Variants in KLHL22 observed in about 807,000 individuals in gnomAD.
KLHL22 encodes kelch like family member 22.
In KLHL22, 18 loss-of-function variants were observed where a neutral mutation model predicts 60.7. That is an observed-to-expected ratio of 0.30 (90% CI 0.20 to 0.44). The LOEUF (loss-of-function observed/expected upper bound fraction) is 0.44. Ranked by LOEUF, KLHL22 falls within the 20% of genes least tolerant of loss-of-function variation. The pLI is 1.00. For synonymous variants in KLHL22, 355 were observed against 354.5 expected (o/e 1.00, Z -0.01); for missense variants, 596 against 852.3 (o/e 0.70, Z 3.74).
chr22:20,456,260 A>T (rs2053060824), intron 5 of KLHL22: 1 of 152,178 alleles, frequency 6.6e-6, no homozygotes, highest in Non-Finnish European at 1.5e-5. Flanking sequence ...TCTGGTTAAG[A>T]GTGGTTTCTC....
intron 1 of KLHL22, among the ~76,000 whole-genome samples, chr22:20,492,961 A>T (rs188230524): frequency 6.6e-6 from 1 of 152,170 alleles, no homozygotes; most frequent in African/African-American, 2.4e-5. Flanking sequence ...TCTCACAAAC[A>T]TCTCAAAAGC....
intron 5 of KLHL22, among the ~76,000 whole-genome samples, chr22:20,447,667 C>T (rs967740683): frequency 2.6e-5 from 4 of 151,748 alleles, no homozygotes; most frequent in South Asian, 4.1e-4. Flanking sequence ...CTCAGCTTCC[C>T]GAGTAGCTGG....
intron 6 of KLHL22, among the ~76,000 whole-genome samples, chr22:20,443,967 C>T (rs1010909644): frequency 6.6e-6 from 1 of 151,058 alleles, no homozygotes; most frequent in African/African-American, 2.4e-5. Context: ...AGGAGAATCG[C>T]TTAAACCCAG....
chr22:20,486,820 T>C (rs987678852), intron 2 of KLHL22, among the ~76,000 whole-genome samples: 6 of 151,966 alleles, frequency 3.9e-5, no homozygotes, highest in African/African-American at 1.5e-4. Context: ...TAGCTGGGAT[T>C]ACAGGCATGT....
intron 2 of KLHL22, among the ~76,000 whole-genome samples, chr22:20,472,680 C>T (rs1367676203): frequency 6.6e-6 from 1 of 151,058 alleles, no homozygotes; most frequent in Non-Finnish European, 1.5e-5. Flanking sequence ...GAGCCGAGAT[C>T]ACACCACTGC....
At position 20,465,297 on chromosome 22, in the gene KLHL22, C is replaced by T; in HGVS notation, c.673G>A (p.Glu225Lys). The stretch of plus-strand genomic sequence containing the variant: ...GAGATCTGGTCAGCCTGCACCTGCT[C>T]CAGGCTATAATGGTAGAGAAGGGCC... ...EGALLYHYSLEQVQADQISLH... is the reference protein window; with the variant it reads ...EGALLYHYSLKQVQADQISLH... The change falls in exon 4 of 7, where the codon GAG (glutamate) becomes AAG (lysine). Residue 225 changes from glutamate to lysine, a missense_variant. By Grantham distance (56) the Glu-to-Lys change is moderately conservative. Transcript: ENST00000328879. The surrounding 1 kb of genome is among the most constrained non-coding windows in gnomAD (Gnocchi z 4.9). 6.2e-7 allele frequency: 1 copy of T among 1,614,114 alleles called. No homozygotes were observed. The highest frequency in any genetic ancestry group is 8.5e-7 in the Non-Finnish European group (1 of 1,180,028).
At chr22:20,466,996 T>G (rs191795434) in intron 3 of KLHL22, among the ~76,000 whole-genome samples, 2 of 152,290 alleles carry the variant, frequency 1.3e-5, no homozygotes, top group East Asian at 3.9e-4. Flanking sequence ...CTTGGGAGAA[T>G]AGGAGACAAA....
intron 1 of KLHL22, among the ~76,000 whole-genome samples, chr22:20,489,584 C>T (rs989681253): frequency 2.0e-5 from 3 of 152,128 alleles, no homozygotes; most frequent in African/African-American, 7.2e-5. Context: ...AACTGAGCCT[C>T]GAGCTCCCCA....
In KLHL22 at chr22:20,489,182, G is replaced by T. The variant is rs758054037; in HGVS notation, c.30C>A (p.Leu10=). ...GTGAGGGCTGTGCAGGCAACTTGCA[G>T]AGCTGGGTGAACTCCTGCTCCTCTG... MAEEQEFTQ[L]CKLPAQPSHP... Residue 10 remains leucine, a synonymous_variant, in exon 2 of 7, where the codon CTC becomes CTA. Transcript: ENST00000328879. 2 of 1,614,118 alleles carry T rather than the reference G, an allele frequency of 1.2e-6. No homozygotes were observed. The highest frequency in any genetic ancestry group is 2.7e-5 in the African/African-American group (2 of 75,048).
At chr22:20,453,882 G>A (rs1295889071) in intron 5 of KLHL22, among the ~76,000 whole-genome samples, 1 of 152,058 alleles carries the variant, frequency 6.6e-6, no homozygotes, top group African/African-American at 2.4e-5. Context: ...TTACAGGTGT[G>A]TGCCACCACA....
chr22:20,471,295 C>CAT, intron 3 of KLHL22, 55 bp downstream of exon 3: 1 of 1,568,208 alleles, frequency 6.4e-7, no homozygotes, highest in South Asian at 1.2e-5. Context: ...TCATGGGCAT[C>CAT]TCAGGGAACC....
chr22:20,466,013 G>A (rs893269809), intron 3 of KLHL22, among the ~76,000 whole-genome samples: 1 of 152,000 alleles, frequency 6.6e-6, no homozygotes, highest in South Asian at 2.1e-4. Flanking sequence ...AAGTGAAGAG[G>A]AACATGATGA....
At chr22:20,455,703 C>T (rs539295717) in intron 5 of KLHL22, among the ~76,000 whole-genome samples, 5 of 152,144 alleles carry the variant, frequency 3.3e-5, no homozygotes, top group Non-Finnish European at 7.3e-5. Flanking sequence ...TTGCTTGCTT[C>T]GAAAGTAACC....
chr22:20,493,233 C>T lies in KLHL22; in HGVS notation c.-34+2527G>A, dbSNP rs116314055. ...TAAACCCATACTGCAAAAACAAGTA[C>T]GGTAAAACAGAAAGACATCTTCCAT... On this transcript the variant is annotated intron_variant, in intron 1 of 6. Transcript: ENST00000328879. The T allele has an allele frequency of 4.1e-4, 194 of 471,066 alleles. 1 individual carries two copies. Among genetic ancestry groups the T allele is most frequent in the African/African-American group, 3.6e-3 (180 of 50,140 alleles). 29.2% of individuals were successfully genotyped at this position (471,066 alleles called of 1,614,324 possible). A position where few individuals can be genotyped will look rare whatever the true frequency, so the allele number is the denominator to read the frequency against.
At chr22:20,461,480 G>C (rs1304259918) in intron 4 of KLHL22, among the ~76,000 whole-genome samples, 1 of 149,194 alleles carries the variant, frequency 6.7e-6, no homozygotes, top group East Asian at 2.0e-4. Context: ...GTGAACCCAG[G>C]AGGTGGAGCT....
chr22:20,485,593 C>T (rs914686850), intron 2 of KLHL22, among the ~76,000 whole-genome samples: 23 of 152,334 alleles, frequency 1.5e-4, no homozygotes, highest in African/African-American at 5.1e-4. Context: ...AGAGGCCAGG[C>T]ATGGTGGCTC....
rs1254002946 is a variant in KLHL22 at position 20,495,525 on chromosome 22, C to G, written c.-34+235G>C. On this transcript the variant is annotated intron_variant, in intron 1 of 6. Coordinates refer to ENST00000328879, the MANE Select transcript of KLHL22 (RefSeq NM_032775.4). The surrounding 1 kb of genome is among the most constrained non-coding windows in gnomAD (Gnocchi z 4.6). Reference sequence around the variant, plus strand: ...CCTCGCACCCTGGCCCCTGGCCGAGCGCCAGATCCCGGCCCCTACGCGCCC... The same window carrying G: ...CCTCGCACCCTGGCCCCTGGCCGAGGGCCAGATCCCGGCCCCTACGCGCCC... Among the ~76,000 whole-genome samples, 1 of 151,508 alleles carries G rather than the reference C, an allele frequency of 6.6e-6. No homozygotes were observed. Among genetic ancestry groups the G allele is most frequent in the African/African-American group, 2.4e-5 (1 of 41,372 alleles).
intron 5 of KLHL22, chr22:20,456,413 T>C (rs2053063605): frequency 6.6e-6 from 1 of 152,212 alleles, no homozygotes; most frequent in Non-Finnish European, 1.5e-5. Context: ...ATGCAGCTGG[T>C]TGAAAGCCAA....
chr22:20,479,544 A>AT lies in KLHL22; in HGVS notation c.228-8030dup, dbSNP rs962886292. Among the ~76,000 whole-genome samples the AT allele has an allele frequency of 1.6e-4, 24 of 151,614 alleles. No homozygotes were observed. In the East Asian group the frequency reaches 3.1e-3, roughly 20 times the overall value. ...TAGTAAGATTCTGTCTCTACAAATA[A>AT]TTTTTTTAAAAAACTGGCCAGGCAT... On this transcript the variant is annotated intron_variant, in intron 2 of 6. Transcript: ENST00000328879.
Sources: gnomAD v4.1 joint callset for allele counts (sites outside exome capture counted in the v4.1 genomes callset) on GRCh38, gnomAD v4.1.1 for gene constraint, Gnocchi (gnomAD v3.1) non-coding constraint, MANE v1.5 for transcripts, NCBI Gene and HGNC (gene_info 2026-07-23, HGNC 2026-07-21) for gene names.